ANKS6: variants seen among roughly 807,000 people sequenced by gnomAD.
The protein encoded by ANKS6 is ankyrin repeat and sterile alpha motif domain containing 6.
In ANKS6, 47 loss-of-function variants were observed where a neutral mutation model predicts 77.9. The observed-to-expected ratio is 0.60, with a 90% confidence interval of 0.48 to 0.77. ANKS6 has a LOEUF of 0.77. Among genes scored for constraint, ANKS6 ranks in the 30% least tolerant of loss-of-function variants. The pLI is 0.00. For missense variants in ANKS6, 1,150 were observed against 1,159.1 expected (o/e 0.99, Z 0.11); for synonymous variants, 488 against 501.7 (o/e 0.97, Z 0.37).
intron 11 of ANKS6, among the ~76,000 whole-genome samples, chr9:98,762,320 T>C (rs1432043620): frequency 6.6e-6 from 1 of 152,222 alleles, no homozygotes; most frequent in Non-Finnish European, 1.5e-5. Flanking sequence ...TCCTAAGAGC[T>C]TTTGTGTAGA....
At chr9:98,768,338 T>C in intron 10 of ANKS6, 88 bp from the exon 11 acceptor site, 1 of 1,508,516 alleles carries the variant, frequency 6.6e-7, no homozygotes, top group Non-Finnish European at 9.0e-7. Context: ...ATGATTGGGT[T>C]GGAGCCAGTC....
intron 12 of ANKS6, among the ~76,000 whole-genome samples, 197 bp downstream of exon 12, chr9:98,756,223 G>C (rs1199660077): frequency 6.6e-6 from 1 of 152,162 alleles, no homozygotes; most frequent in Non-Finnish European, 1.5e-5. Context: ...CTCTTTGAGG[G>C]AGCTTACCAT....
intron 8 of ANKS6, among the ~76,000 whole-genome samples, 161 bp from the exon 9 acceptor site, chr9:98,774,241 C>T (rs765470996): frequency 6.6e-6 from 1 of 152,180 alleles, no homozygotes; most frequent in African/African-American, 2.4e-5. Context: ...TCCCAGTAAC[C>T]GCACAACACC....
At chr9:98,765,748 C>G (rs1188397424) in intron 11 of ANKS6, among the ~76,000 whole-genome samples, 1 of 152,164 alleles carries the variant, frequency 6.6e-6, no homozygotes, top group Non-Finnish European at 1.5e-5. Context: ...TATGCTGTGT[C>G]TCTTGGAACT....
Position 98,788,795 on chromosome 9 carries a change from C to T in ANKS6, c.862+1309G>A, listed in dbSNP as rs147655183. 6.9e-3 allele frequency among the ~76,000 whole-genome samples: 1,055 copies of T among 152,324 alleles called. 9 individuals carry two copies. The highest frequency in any genetic ancestry group is 0.024 in the African/African-American group (1,007 of 41,578). Reference sequence around the variant, plus strand: ...AGGTGCTCTTCCCATGGAATCCTCACCTCCTGAGTGTCACTCACTCAGCTT... The same window carrying T: ...AGGTGCTCTTCCCATGGAATCCTCATCTCCTGAGTGTCACTCACTCAGCTT... On this transcript the variant is annotated intron_variant, in intron 2 of 14. Coordinates refer to ENST00000353234, the MANE Select transcript of ANKS6 (RefSeq NM_173551.5).
chr9:98,751,217 C>G lies in ANKS6; in HGVS notation c.2327-121G>C. 3 of 821,024 alleles carry G rather than the reference C, an allele frequency of 3.7e-6. No homozygotes were observed. The South Asian group carries it at 5.3e-5, about 15-fold the overall frequency. 50.9% of individuals were successfully genotyped at this position (821,024 alleles called of 1,614,324 possible). On this transcript the variant is annotated intron_variant, in intron 12 of 14. Coordinates refer to ENST00000353234, the MANE Select transcript of ANKS6 (RefSeq NM_173551.5). ...TGAAATTCTATAAGAAACACCAACACAGAAAGCTGATCTCAGCTGGACTCC... is the reference window on the plus strand; with the variant it reads ...TGAAATTCTATAAGAAACACCAACAGAGAAAGCTGATCTCAGCTGGACTCC...
At chr9:98,785,850 G>A (rs1834537146) in intron 2 of ANKS6, among the ~76,000 whole-genome samples, 1 of 152,180 alleles carries the variant, frequency 6.6e-6, no homozygotes, top group Non-Finnish European at 1.5e-5. Flanking sequence ...CACATTTTTA[G>A]AGTAAGCTGC....
chr9:98,762,761 A>C (rs1231405297), intron 11 of ANKS6, among the ~76,000 whole-genome samples: 2 of 152,140 alleles, frequency 1.3e-5, no homozygotes, highest in Non-Finnish European at 1.5e-5. Context: ...CTTTGTATTT[A>C]ATCATGGGAT....
In ANKS6 at chr9:98,773,793, G is replaced by A. The variant is rs1029671676; in HGVS notation, c.1821+84C>T. On this transcript the variant is annotated intron_variant, in intron 9 of 14. Coordinates refer to ENST00000353234, the MANE Select transcript of ANKS6 (RefSeq NM_173551.5). ...AAGTTGCAACCCCTCTGGATTCGTCGGTTTGAGGTCCCGCTGCCTGGAACA... is the reference window on the plus strand; with the variant it reads ...AAGTTGCAACCCCTCTGGATTCGTCAGTTTGAGGTCCCGCTGCCTGGAACA... 1.8e-5 allele frequency: 23 copies of A among 1,281,472 alleles called. No homozygotes were observed. The East Asian group carries it at 1.9e-4, about 11-fold the overall frequency. 79.4% of individuals were successfully genotyped at this position (1,281,472 alleles called of 1,614,324 possible). A position where few individuals can be genotyped will look rare whatever the true frequency, so the allele number is the denominator to read the frequency against.
chr9:98,774,206 A>G (rs923351683), intron 8 of ANKS6, 126 bp from the exon 9 acceptor site: 17 of 821,578 alleles, frequency 2.1e-5, no homozygotes, highest in Admixed American at 8.1e-5. Context: ...CCAAGCCGGG[A>G]GCTATGTGGC....
At position 98,733,823 on chromosome 9, in the gene ANKS6, C is replaced by T. The variant is rs1239616603; in HGVS notation, c.*2696G>A. 2.0e-6 allele frequency: 2 copies of T among 985,314 alleles called. No individual in the cohort carries two copies. The highest frequency in any genetic ancestry group is 1.2e-6 in the Non-Finnish European group (1 of 829,954). 61.0% of individuals were successfully genotyped at this position (985,314 alleles called of 1,614,324 possible). A position where few individuals can be genotyped will look rare whatever the true frequency, so the allele number is the denominator to read the frequency against. On this transcript the variant is annotated 3_prime_UTR_variant, in exon 15 of 15. Transcript: ENST00000353234. ...GGGAACCTCACCCCACTTTCACATACACACCCTACGTTTCTTTATGAAAAA... is the reference window on the plus strand; with the variant it reads ...GGGAACCTCACCCCACTTTCACATATACACCCTACGTTTCTTTATGAAAAA...
In ANKS6 at chr9:98,784,826, G is replaced by A. The variant is rs372343956; in HGVS notation, c.907+6C>T. 6.8e-6 allele frequency: 11 copies of A among 1,612,046 alleles called. No homozygotes were observed. Among genetic ancestry groups the A allele is most frequent in the Non-Finnish European group, 8.5e-6 (10 of 1,178,952 alleles). ...AATATCCAAAAAGATTTTCTAAAGC[G>A]CTTACCCATTTTCAATGCATGGAAA... On this transcript the variant is annotated splice_donor_region_variant and intron_variant, in intron 3 of 14. Coordinates refer to ENST00000353234, the MANE Select transcript of ANKS6 (RefSeq NM_173551.5).
At chr9:98,776,783 C>G (rs1196016618) in intron 8 of ANKS6, among the ~76,000 whole-genome samples, 2 of 152,196 alleles carry the variant, frequency 1.3e-5, no homozygotes, top group Non-Finnish European at 2.9e-5. Flanking sequence ...TGGAATGAGG[C>G]CGTCATGGGC....
At chr9:98,741,328 C>CT (rs1339677784) in intron 14 of ANKS6, among the ~76,000 whole-genome samples, 1 of 152,012 alleles carries the variant, frequency 6.6e-6, no homozygotes, top group Non-Finnish European at 1.5e-5. Flanking sequence ...GTGATGGGTG[C>CT]TTATAATCCA....
chr9:98,782,341 T>G, intron 5 of ANKS6, 126 bp downstream of exon 5: 2 of 847,194 alleles, frequency 2.4e-6, no homozygotes, highest in Non-Finnish European at 3.8e-6. Context: ...TCCTGACACT[T>G]GAGAGTGACT....
rs1371399479 is a variant in ANKS6 at position 98,733,968 on chromosome 9, G to A, written c.*2551C>T. On this transcript the variant is annotated 3_prime_UTR_variant, in exon 15 of 15. Transcript: ENST00000353234. ...ACAGCCACAGGCAGGCTGGGGACAC[G>A]TGTGGGAAGGGAAGGGGGTGATCAA... 6 of 985,306 alleles carry A rather than the reference G, an allele frequency of 6.1e-6. No individual in the cohort carries two copies. The highest frequency in any genetic ancestry group is 7.2e-6 in the Non-Finnish European group (6 of 829,954). The allele number at this position is 985,306 out of a possible 1,614,324, so 61.0% of individuals were successfully genotyped here.
intron 1 of ANKS6, among the ~76,000 whole-genome samples, chr9:98,793,575 C>T (rs1835017461): frequency 6.6e-6 from 1 of 151,530 alleles, no homozygotes. Context: ...GGCTGGAGTG[C>T]AGTGGCGCGA....
At chr9:98,782,086 A>G (rs923610807) in intron 5 of ANKS6, among the ~76,000 whole-genome samples, 3 of 152,158 alleles carry the variant, frequency 2.0e-5, no homozygotes, top group African/African-American at 7.2e-5. Flanking sequence ...CCATCGCTCT[A>G]TCTCCCATTC....
intron 2 of ANKS6, among the ~76,000 whole-genome samples, chr9:98,786,596 C>T (rs1251738722): frequency 6.6e-6 from 1 of 152,124 alleles, no homozygotes; most frequent in East Asian, 1.9e-4. Context: ...GGCCAGAATC[C>T]CAGAATTCTT....
Sources: gnomAD v4.1 joint callset for allele counts (sites outside exome capture counted in the v4.1 genomes callset) on GRCh38, gnomAD v4.1.1 for gene constraint, MANE v1.5 for transcripts, NCBI Gene and HGNC (gene_info 2026-07-23, HGNC 2026-07-21) for gene names.